Variants in NAV3 observed in about 807,000 individuals in gnomAD.
The protein encoded by NAV3 is neuron navigator 3.
A neutral mutation model predicts 244.7 loss-of-function variants in NAV3; 87 were observed. That is an observed-to-expected ratio of 0.36 (90% CI 0.30 to 0.42). The LOEUF is 0.42. NAV3 is among the 20% of genes least tolerant of loss of function. The probability of loss-of-function intolerance (pLI) is 1.00; values close to 1 mark genes in which losing one functional copy is unlikely to be tolerated. For synonymous variants in NAV3, 1,126 were observed against 1,042.2 expected, an observed-to-expected ratio of 1.08 and a Z score of -1.55; for missense variants, 2,663 against 2,893.3, an observed-to-expected ratio of 0.92 and a Z score of 1.83.
chr12:77,619,028 A>C (rs1284356561), intron 2 of NAV3, among the ~76,000 whole-genome samples: 1 of 152,220 alleles, frequency 6.6e-6, no homozygotes, highest in Non-Finnish European at 1.5e-5. Context: ...CAAAATAAGA[A>C]TCTTCTTGTC....
intron 1 of NAV3, among the ~76,000 whole-genome samples, chr12:77,903,075 A>C (rs1212131257): frequency 6.6e-6 from 1 of 152,188 alleles, no homozygotes; most frequent in African/African-American, 2.4e-5. Context: ...TGCCCCAGGT[A>C]ATTTATAGAT....
At chr12:78,038,159 T>A (rs1294470181) in intron 9 of NAV3, among the ~76,000 whole-genome samples, 2 of 152,348 alleles carry the variant, frequency 1.3e-5, no homozygotes, top group East Asian at 3.9e-4. Flanking sequence ...ACTTTAAATG[T>A]CAACTGTGCC....
intron 2 of NAV3, among the ~76,000 whole-genome samples, chr12:77,633,589 A>G (rs1872014978): frequency 2.0e-5 from 3 of 152,268 alleles, no homozygotes; most frequent in African/African-American, 7.2e-5. Flanking sequence ...TAAATAGTTC[A>G]CTTAAAATAT....
intron 2 of NAV3, among the ~76,000 whole-genome samples, chr12:77,762,578 G>A (rs1437975239): frequency 1.4e-4 from 22 of 151,960 alleles, no homozygotes; most frequent in Non-Finnish European, 7.4e-5. Flanking sequence ...ACTCCAGCCT[G>A]GCAACAGAGT....
chr12:78,079,505 C>A (rs1226683611), intron 12 of NAV3, among the ~76,000 whole-genome samples: 1 of 152,070 alleles, frequency 6.6e-6, no homozygotes, highest in Non-Finnish European at 1.5e-5. Flanking sequence ...GTTTCACAAT[C>A]CCAAACCTAC....
intron 2 of NAV3, among the ~76,000 whole-genome samples, chr12:77,692,937 T>G (rs1354463872): frequency 6.6e-6 from 1 of 152,024 alleles, no homozygotes; most frequent in Non-Finnish European, 1.5e-5. Context: ...CAGTGAAAGC[T>G]TCCCTAAACA....
intron 9 of NAV3, among the ~76,000 whole-genome samples, chr12:78,029,278 A>G (rs1213852741): frequency 6.6e-6 from 1 of 152,136 alleles, no homozygotes; most frequent in Non-Finnish European, 1.5e-5. Flanking sequence ...CCAGTTGTTC[A>G]TTCATTGAAC....
intron 1 of NAV3, among the ~76,000 whole-genome samples, chr12:77,918,594 C>G (rs886390137): frequency 3.9e-5 from 6 of 151,982 alleles, no homozygotes; most frequent in Non-Finnish European, 8.8e-5. Context: ...GCTCTACGGG[C>G]TTACTCAAGT....
At chr12:78,092,770 G>A (rs1460819750) in intron 12 of NAV3, among the ~76,000 whole-genome samples, 1 of 152,024 alleles carries the variant, frequency 6.6e-6, no homozygotes, top group Non-Finnish European at 1.5e-5. Flanking sequence ...AAAGTGCTGG[G>A]ATTACAGGCG....
intron 2 of NAV3, among the ~76,000 whole-genome samples, chr12:77,777,191 A>C (rs12306539): frequency 0.036 from 5,500 of 152,286 alleles, 341 homozygotes; most frequent in African/African-American, 0.12. Flanking sequence ...CATACCTTTG[A>C]TAAAGTTTAA....
At chr12:77,960,802 T>G (rs952068528) in intron 3 of NAV3, among the ~76,000 whole-genome samples, 3 of 147,042 alleles carry the variant, frequency 2.0e-5, no homozygotes, top group Non-Finnish European at 4.5e-5. Flanking sequence ...ACAATACATA[T>G]ATGTAATAAA....
rs2138690530 is a variant in NAV3, at chr12:78,122,146, C to A, written c.3956C>A (p.Thr1319Asn). 6.2e-7 allele frequency: 1 copy of A among 1,614,170 alleles called. No individual in the cohort carries two copies. The highest frequency in any genetic ancestry group is 8.5e-7 in the Non-Finnish European group (1 of 1,180,030). ...CTCTTCAATAAACCCTCAGACTTAACTACAGATGTTATAAGCTTAAGTCAC... is the reference window on the plus strand; with the variant it reads ...CTCTTCAATAAACCCTCAGACTTAAATACAGATGTTATAAGCTTAAGTCAC... ...SPLFNKPSDL[T>N]TDVISLSHSL... Residue 1319 changes from threonine to asparagine, a missense_variant, in exon 16 of 40, where the codon ACT becomes AAT. Physicochemically the swap from Thr to Asn is moderately conservative, Grantham distance 65. This residue lies in a region of NAV3 where 354 missense variants were observed against 413.0 expected (regional missense o/e 0.86). Transcript: ENST00000397909.
At chr12:77,774,037 C>G (rs1368505480) in intron 2 of NAV3, among the ~76,000 whole-genome samples, 1 of 152,058 alleles carries the variant, frequency 6.6e-6, no homozygotes, top group Non-Finnish European at 1.5e-5. Context: ...ATTACACAAG[C>G]TAAGAATGAT....
chr12:77,798,099 T>C (rs984944905), intron 2 of NAV3, among the ~76,000 whole-genome samples: 1 of 146,760 alleles, frequency 6.8e-6, no homozygotes, highest in African/African-American at 2.5e-5. Context: ...GATGTGGAGG[T>C]TGTAGCTCAC....
intron 2 of NAV3, among the ~76,000 whole-genome samples, chr12:77,800,440 A>G (rs1393974419): frequency 6.6e-6 from 1 of 152,108 alleles, no homozygotes; most frequent in East Asian, 1.9e-4. Flanking sequence ...ACAATGGTTC[A>G]ATGTTCTTGG....
intron 9 of NAV3, among the ~76,000 whole-genome samples, chr12:78,040,786 C>G (rs1354068258): frequency 2.6e-5 from 4 of 152,156 alleles, no homozygotes; most frequent in South Asian, 2.1e-4. Context: ...CACCTACAAT[C>G]TAAGATGCCA....
At chr12:77,868,922 A>T (rs1880512343) in intron 1 of NAV3, among the ~76,000 whole-genome samples, 1 of 151,966 alleles carries the variant, frequency 6.6e-6, no homozygotes. Flanking sequence ...ATACAAAAAA[A>T]TTAGCTGGGT....
At chr12:78,037,794 C>T (rs781219921) in intron 9 of NAV3, among the ~76,000 whole-genome samples, 3 of 152,142 alleles carry the variant, frequency 2.0e-5, no homozygotes, top group Non-Finnish European at 2.9e-5. Context: ...AATGAAGGGC[C>T]TCCTGGGTAA....
At chr12:78,158,633 A>G (rs774492699) in intron 22 of NAV3, among the ~76,000 whole-genome samples, 10 of 152,176 alleles carry the variant, frequency 6.6e-5, no homozygotes, top group Non-Finnish European at 1.5e-4. Context: ...CTTTTATTGA[A>G]AAGAGTTTGG....
Sources: allele counts gnomAD v4.1 joint callset (sites outside exome capture counted in the v4.1 genomes callset), GRCh38; gene constraint gnomAD v4.1.1; regional missense constraint gnomAD v4.1.1; transcripts MANE v1.5; gene names NCBI Gene and HGNC (gene_info 2026-07-23, HGNC 2026-07-21).